Variants in NSUN6 observed in about 807,000 individuals in gnomAD.
The protein encoded by NSUN6 is tRNA (cytosine(72)-C(5))-methyltransferase NSUN6.
A neutral mutation model predicts 58.0 loss-of-function variants in NSUN6; 64 were observed. The observed-to-expected ratio is 1.10, with a 90% confidence interval of 0.90 to 1.36. The LOEUF is 1.36. Among genes scored for constraint, NSUN6 ranks in the 40% most tolerant of loss-of-function variants. The pLI is 0.00. For missense variants in NSUN6, 701 were observed against 550.1 expected, an observed-to-expected ratio of 1.27 and a Z score of -2.74; for synonymous variants, 231 against 193.9, an observed-to-expected ratio of 1.19 and a Z score of -1.59.
intron 3 of NSUN6, among the ~76,000 whole-genome samples, chr10:18,640,693 A>G (rs1221581151): frequency 2.0e-5 from 3 of 152,176 alleles, no homozygotes; most frequent in Non-Finnish European, 4.4e-5. Context: ...ACAGTTGTAC[A>G]TATTTGTCAA....
intron 1 of NSUN6, among the ~76,000 whole-genome samples, chr10:18,649,059 C>T (rs539339021): frequency 6.6e-6 from 1 of 152,174 alleles, no homozygotes; most frequent in East Asian, 1.9e-4. Flanking sequence ...ACATCATATC[C>T]AAGAGCAAAC....
intron 3 of NSUN6, among the ~76,000 whole-genome samples, chr10:18,628,598 C>T (rs904400881): frequency 4.6e-5 from 7 of 152,024 alleles, no homozygotes; most frequent in Admixed American, 1.3e-4. Context: ...TCGAGAACTA[C>T]GTGAAGAATG....
At chr10:18,624,493 A>T (rs908655213) in intron 3 of NSUN6, among the ~76,000 whole-genome samples, 2 of 151,486 alleles carry the variant, frequency 1.3e-5, no homozygotes, top group African/African-American at 4.9e-5. Flanking sequence ...GGCTAAAAAA[A>T]TACAAAAAAA....
At chr10:18,640,209 G>T (rs12219183) in intron 3 of NSUN6, among the ~76,000 whole-genome samples, 52,913 of 152,048 alleles carry the variant, frequency 0.35, 9,772 homozygotes, top group East Asian at 0.73. Context: ...GAGTACACAT[G>T]ATTACGCATG....
chr10:18,559,815 A>AGAATG (rs1176162755), intron 8 of NSUN6, among the ~76,000 whole-genome samples: 48 of 65,598 alleles, frequency 7.3e-4, no homozygotes, highest in African/African-American at 2.2e-3. Context: ...AATGGAAAAG[A>AGAATG]GAATGGAATG....
upstream of NSUN6, among the ~76,000 whole-genome samples, chr10:18,656,138 G>C (rs1395965071): frequency 2.0e-5 from 3 of 152,150 alleles, no homozygotes; most frequent in Non-Finnish European, 4.4e-5. Flanking sequence ...ATTTACAGAA[G>C]GCGATCATAT....
chr10:18,626,110 C>A (rs533578859), intron 3 of NSUN6, among the ~76,000 whole-genome samples: 1 of 151,794 alleles, frequency 6.6e-6, no homozygotes, highest in Admixed American at 6.6e-5. Context: ...ACTGTACTCA[C>A]CAATAAAGAC....
At chr10:18,639,431 T>A (rs1218863057) in intron 3 of NSUN6, among the ~76,000 whole-genome samples, 1 of 151,616 alleles carries the variant, frequency 6.6e-6, no homozygotes, top group Admixed American at 6.6e-5. Context: ...GAGGGGGAGG[T>A]TGCAGTGAAC....
In NSUN6 at chr10:18,548,448, C is replaced by T. The variant is rs565786407; in HGVS notation, c.1072-211G>A. On this transcript the variant is annotated intron_variant, in intron 9 of 10. Transcript: ENST00000377304. ...TTCATTATCTTGGAACTGTCATACT[C>T]CAGATGGACCAAGACTTCCCCAAAT... Among the ~76,000 whole-genome samples the T allele has an allele frequency of 5.9e-5, 9 of 152,298 alleles. 1 individual carries two copies. In the East Asian group the frequency reaches 1.5e-3, roughly 26 times the overall value.
chr10:18,553,715 AAAT>A (rs2054772619), intron 8 of NSUN6, among the ~76,000 whole-genome samples: 1 of 149,616 alleles, frequency 6.7e-6, no homozygotes, highest in Non-Finnish European at 1.5e-5. Flanking sequence ...GAAATGTAAC[AAAT>A]GGAGAATGGA....
At chr10:18,652,714 C>G, upstream of NSUN6, 1 of 422,480 alleles carries the variant, frequency 2.4e-6, no homozygotes, top group Non-Finnish European at 3.2e-6. Flanking sequence ...CATGTGCCAC[C>G]AGGCCCAGCT....
intron 3 of NSUN6, among the ~76,000 whole-genome samples, chr10:18,635,443 C>T (rs868847874): frequency 9.2e-5 from 14 of 152,124 alleles, no homozygotes; most frequent in Non-Finnish European, 1.8e-4. Context: ...CAAAGTCCTG[C>T]TGCCTTTATA....
chr10:18,588,174 C>A (rs149266483), intron 7 of NSUN6, among the ~76,000 whole-genome samples: 4 of 152,260 alleles, frequency 2.6e-5, no homozygotes, highest in Admixed American at 1.3e-4. Context: ...AAGAATTGAC[C>A]GCAGCACAGC....
rs1310946325 is a variant in NSUN6 at position 18,548,241 on chromosome 10, A to G, written c.1072-4T>C. On this transcript the variant is annotated splice_region_variant and splice_polypyrimidine_tract_variant and intron_variant, in intron 9 of 10. Coordinates refer to ENST00000377304, the MANE Select transcript of NSUN6 (RefSeq NM_182543.5). ...CTGGCTTCAGCAGCTGAACCGCCTAAAGAAAACTGTGATCAGACCACACAC... is the reference window on the plus strand; with the variant it reads ...CTGGCTTCAGCAGCTGAACCGCCTAGAGAAAACTGTGATCAGACCACACAC... The G allele has an allele frequency of 6.2e-7, 1 of 1,611,748 alleles. No homozygotes were observed. The highest frequency in any genetic ancestry group is 8.5e-7 in the Non-Finnish European group (1 of 1,178,636).
chr10:18,559,007 G>T (rs1050404352), intron 8 of NSUN6, among the ~76,000 whole-genome samples: 2 of 150,732 alleles, frequency 1.3e-5, no homozygotes, highest in Non-Finnish European at 3.0e-5. Context: ...AATGGAAAAT[G>T]GAATGAAATG....
chr10:18,584,377 C>G (rs2057037330), intron 8 of NSUN6, among the ~76,000 whole-genome samples: 1 of 152,172 alleles, frequency 6.6e-6, no homozygotes, highest in African/African-American at 2.4e-5. Context: ...GCCTCATTCC[C>G]TAAGCTAGCT....
chr10:18,631,886 C>A (rs2059043125), intron 3 of NSUN6, among the ~76,000 whole-genome samples: 1 of 152,200 alleles, frequency 6.6e-6, no homozygotes, highest in African/African-American at 2.4e-5. Flanking sequence ...ACTTTCTTCA[C>A]AGAAGTGGAA....
chr10:18,591,998 C>A (rs1236034558), intron 7 of NSUN6, among the ~76,000 whole-genome samples: 1 of 152,158 alleles, frequency 6.6e-6, no homozygotes, highest in Non-Finnish European at 1.5e-5. Flanking sequence ...ACTCCTTAGG[C>A]TGATAAGCAA....
intron 8 of NSUN6, among the ~76,000 whole-genome samples, chr10:18,585,159 A>C (rs567228788): frequency 2.6e-5 from 4 of 152,154 alleles, no homozygotes; most frequent in Non-Finnish European, 5.9e-5. Context: ...CACACACACA[A>C]AAAATAATAT....
Sources: gnomAD v4.1 joint callset for allele counts (sites outside exome capture counted in the v4.1 genomes callset) on GRCh38, gnomAD v4.1.1 for gene constraint, MANE v1.5 for transcripts, NCBI Gene and HGNC (gene_info 2026-07-23, HGNC 2026-07-21) for gene names.